Variants in PHF20 observed in about 807,000 individuals in gnomAD.
The protein encoded by PHF20 is glioma-expressed antigen 2.
Under a neutral mutation model 113.5 loss-of-function variants are expected in PHF20, and 23 were observed. That is an observed-to-expected ratio of 0.20 (90% CI 0.15 to 0.29). The LOEUF is 0.29. PHF20 is among the 10% of genes least tolerant of loss of function. The probability of loss-of-function intolerance (pLI) is 1.00; values close to 1 mark genes in which losing one functional copy is unlikely to be tolerated. For synonymous variants in PHF20, 434 were observed against 457.3 expected (o/e 0.95, Z 0.65); for missense variants, 943 against 1,219.6 (o/e 0.77, Z 3.38).
intron 15 of PHF20, among the ~76,000 whole-genome samples, chr20:35,936,543 CTGGCCCT>C (rs2055868579): frequency 6.6e-6 from 1 of 152,210 alleles, no homozygotes; most frequent in East Asian, 1.9e-4. Flanking sequence ...TCACAGGAGT[CTGGCCCT>C]AAAAAGGATA....
intron 1 of PHF20, among the ~76,000 whole-genome samples, chr20:35,788,189 C>A (rs1319741260): frequency 6.6e-6 from 1 of 151,668 alleles, no homozygotes; most frequent in African/African-American, 2.4e-5. Flanking sequence ...CTCCGCCTCC[C>A]AGGTTCATGC....
chr20:35,899,949 C>T (rs889782398), intron 10 of PHF20, among the ~76,000 whole-genome samples: 2 of 152,196 alleles, frequency 1.3e-5, no homozygotes, highest in African/African-American at 2.4e-5. Flanking sequence ...CAGGAGAACT[C>T]GTGCTCAGAG....
At chr20:35,775,636 C>T (rs62211711) in intron 1 of PHF20, among the ~76,000 whole-genome samples, 37 of 151,644 alleles carry the variant, frequency 2.4e-4, no homozygotes, top group Admixed American at 3.3e-4. Flanking sequence ...CACCTGTAAT[C>T]CCAGCTACAT....
chr20:35,913,844 A>T (rs1169854796), intron 11 of PHF20, among the ~76,000 whole-genome samples, 189 bp from the exon 12 acceptor site: 1 of 152,206 alleles, frequency 6.6e-6, no homozygotes, highest in East Asian at 1.9e-4. Flanking sequence ...TCAGAAAAAG[A>T]GGAGAGGGTC....
chr20:35,863,108 A>G lies in PHF20; in HGVS notation c.516A>G (p.Ala172=). 2 of 1,613,582 alleles carry G rather than the reference A, an allele frequency of 1.2e-6. No individual in the cohort carries two copies. The highest frequency in any genetic ancestry group is 1.7e-6 in the Non-Finnish European group (2 of 1,179,894). Residue 172 remains alanine (A), a synonymous_variant, in exon 6 of 18, where the codon GCA becomes GCG. Transcript: ENST00000374012. ...AGAAGTTTAAAGAACAGAGAAAAGC[A>G]ACAGTGAATGTGAAGAAAGACAAAG... is the stretch of plus-strand genomic sequence containing the variant. ...KREKFKEQRK[A]TVNVKKDKED...
At chr20:35,865,502 T>TTG (rs953633971) in intron 6 of PHF20, among the ~76,000 whole-genome samples, 2 of 108,930 alleles carry the variant, frequency 1.8e-5, no homozygotes, top group African/African-American at 6.7e-5. Flanking sequence ...GTTGTGTTTT[T>TTG]TTTTTTTTTT....
intron 1 of PHF20, among the ~76,000 whole-genome samples, chr20:35,793,995 C>CAAAACAAAAAAA (rs1385077985): frequency 3.0e-5 from 1 of 33,836 alleles, no homozygotes; most frequent in Non-Finnish European, 5.5e-5. Flanking sequence ...GACTCTGTCT[C>CAAAACAAAAAAA]AAAAAAAAAA....
At position 35,842,635 on chromosome 20, in the gene PHF20, G is replaced by T; in HGVS notation, c.146G>T (p.Arg49Leu). The change falls in exon 3 of 18, where the codon CGT becomes CTT. Residue 49 changes from arginine to leucine, a missense_variant. Transcript: ENST00000374012. ...GGAAAAGTACTCATCCATTTCAAGC[G>T]TTGGAACCATCGTTATGATGAGTGG... Reference protein sequence around the residue: ...EEGKVLIHFKRWNHRYDEWFC... With the variant: ...EEGKVLIHFKLWNHRYDEWFC... 6.2e-7 allele frequency: 1 copy of T among 1,613,974 alleles called. No homozygotes were observed. The highest frequency in any genetic ancestry group is 1.1e-5 in the South Asian group (1 of 91,082).
intron 2 of PHF20, among the ~76,000 whole-genome samples, chr20:35,841,052 A>G (rs981065111): frequency 6.6e-6 from 1 of 152,140 alleles, no homozygotes; most frequent in Non-Finnish European, 1.5e-5. Context: ...AAAGTAAGTC[A>G]GGTGTGGTAG....
intron 15 of PHF20, among the ~76,000 whole-genome samples, chr20:35,931,939 G>A (rs111415732): frequency 0.011 from 1,705 of 150,936 alleles, 24 homozygotes; most frequent in African/African-American, 0.039. Context: ...CAATAAGAGC[G>A]AAACTCCGTC....
chr20:35,873,660 G>A (rs755645148), intron 9 of PHF20, among the ~76,000 whole-genome samples: 2 of 151,596 alleles, frequency 1.3e-5, no homozygotes, highest in Non-Finnish European at 2.9e-5. Context: ...AGTAGAGACG[G>A]GGTTTCACCA....
chr20:35,941,046 T>C lies in PHF20; in HGVS notation c.2895T>C (p.Asp965=). The change falls in exon 17 of 18, where the codon GAT becomes GAC. Residue 965 remains aspartate, a splice_region_variant and synonymous_variant. Coordinates refer to ENST00000374012, the MANE Select transcript of PHF20 (RefSeq NM_016436.5). ...TGGACTCCATTGAGAAGGAGTTGGA[T>C]GGTAGGGCTCCTTCATTGGCCCCCT... is the stretch of plus-strand genomic sequence containing the variant. ...HRMDSIEKEL[D]VLESWLDYTG... is the part of the protein sequence containing the mutation. The C allele has an allele frequency of 6.2e-7, 1 of 1,611,478 alleles. No individual in the cohort carries two copies. Among genetic ancestry groups the C allele is most frequent in the African/African-American group, 1.3e-5 (1 of 74,988 alleles).
intron 14 of PHF20, among the ~76,000 whole-genome samples, chr20:35,929,149 C>T (rs1417570938): frequency 6.6e-6 from 1 of 152,166 alleles, no homozygotes; most frequent in Non-Finnish European, 1.5e-5. Context: ...CTCCTACTCC[C>T]AGTTTTGCTT....
rs2147145505 is a variant in PHF20 at position 35,949,511 on chromosome 20, C to T, written c.*1884C>T. On this transcript the variant is annotated 3_prime_UTR_variant, in exon 18 of 18. Transcript: ENST00000374012. ...CAGAAACTGAATTGCCCTAATTTTG[C>T]CAACTGGCCATTATTGGGATTATTG... 1 of 152,752 alleles carries T rather than the reference C, an allele frequency of 6.5e-6. No individual in the cohort carries two copies. The highest frequency in any genetic ancestry group is 1.9e-4 in the East Asian group (1 of 5,194). 9.5% of individuals were successfully genotyped at this position (152,752 alleles called of 1,614,324 possible).
chr20:35,840,755 T>A (rs2042522065), intron 2 of PHF20, among the ~76,000 whole-genome samples: 1 of 152,172 alleles, frequency 6.6e-6, no homozygotes, highest in Admixed American at 6.6e-5. Context: ...GATACCTTGA[T>A]GATTTACATG....
chr20:35,853,966 C>T (rs2042784087), intron 4 of PHF20, among the ~76,000 whole-genome samples: 1 of 152,084 alleles, frequency 6.6e-6, no homozygotes. Flanking sequence ...ATTGGCCAGA[C>T]TGGTCTTGAA....
At chr20:35,850,552 C>T in intron 4 of PHF20, 1 of 145,578 alleles carries the variant, frequency 6.9e-6, no homozygotes, top group South Asian at 2.0e-4. Context: ...TTAATGGGTA[C>T]ACAGTGCTTT....
chr20:35,921,234 A>G lies in PHF20; in HGVS notation c.2004+3572A>G, dbSNP rs117648128. Among the ~76,000 whole-genome samples the G allele has an allele frequency of 4.7e-4, 72 of 152,302 alleles. No homozygotes were observed. In the East Asian group the frequency reaches 0.011, roughly 23 times the overall value. ...GGACAAGCTCCGTTTTGAGGTCAAC[A>G]TAATACTGAGCTATCCTAGCAATAC... On this transcript the variant is annotated intron_variant, in intron 13 of 17. Coordinates refer to ENST00000374012, the MANE Select transcript of PHF20 (RefSeq NM_016436.5).
chr20:35,935,867 A>C (rs1258234943), intron 15 of PHF20, among the ~76,000 whole-genome samples: 1 of 152,208 alleles, frequency 6.6e-6, no homozygotes, highest in Non-Finnish European at 1.5e-5. Flanking sequence ...CTCTGTTGTC[A>C]TGGGCTCTGG....
Sources: gnomAD v4.1 joint callset for allele counts (sites outside exome capture counted in the v4.1 genomes callset) on GRCh38, gnomAD v4.1.1 for gene constraint, MANE v1.5 for transcripts, NCBI Gene and HGNC (gene_info 2026-07-23, HGNC 2026-07-21) for gene names.